The following TXLNB variants were observed in gnomAD, a reference collection of about 807,000 sequenced individuals.
The protein encoded by TXLNB is beta-taxilin.
TXLNB carries 37 observed loss-of-function variants against 57.4 expected under a neutral mutation model. That is an observed-to-expected ratio of 0.64 (90% confidence interval 0.50 to 0.85). The LOEUF (loss-of-function observed/expected upper bound fraction) is 0.85, where lower values mean the gene tolerates loss of function less well. Among genes scored for constraint, TXLNB ranks in the 40% least tolerant of loss-of-function variants. TXLNB has a pLI of 0.00. For synonymous variants in TXLNB, 302 were observed against 309.6 expected (o/e 0.98, Z 0.26); for missense variants, 848 against 825.6 (o/e 1.03, Z -0.33).
Position 139,276,848 on chromosome 6 carries a change from G to C in TXLNB, c.498C>G (p.Phe166Leu). 6.2e-7 allele frequency: 1 copy of C among 1,606,166 alleles called. No homozygotes were observed. Among genetic ancestry groups the C allele is most frequent in the Non-Finnish European group, 8.5e-7 (1 of 1,177,548 alleles). The part of the protein sequence containing the change: ...QTPEEKFDFL[F>L]KKYAELLDEH... Reference sequence around the variant, plus strand: ...ATCTTACCAATTCAGCATACTTCTTGAATAAAAAATCAAACTTTTCTTCCG... The same window carrying C: ...ATCTTACCAATTCAGCATACTTCTTCAATAAAAAATCAAACTTTTCTTCCG... The change falls in exon 3 of 10, where the codon TTC (phenylalanine) becomes TTG (leucine). Residue 166 changes from phenylalanine (F) to leucine (L), a missense_variant. Coordinates refer to ENST00000358430, the MANE Select transcript of TXLNB (RefSeq NM_153235.4).
At chr6:139,276,078 A>G (rs912744483) in intron 3 of TXLNB, among the ~76,000 whole-genome samples, 1 of 152,224 alleles carries the variant, frequency 6.6e-6, no homozygotes, top group Non-Finnish European at 1.5e-5. Context: ...CATAAAATAG[A>G]TTTCCTTGTT....
intron 5 of TXLNB, among the ~76,000 whole-genome samples, chr6:139,261,435 T>C (rs1289417178): frequency 6.6e-6 from 1 of 152,122 alleles, no homozygotes; most frequent in African/African-American, 2.4e-5. Context: ...GATAAAATCT[T>C]AGCATGTTAC....
chr6:139,283,519 T>C lies in TXLNB; in HGVS notation c.424+4957A>G, dbSNP rs1220985459. On this transcript the variant is annotated intron_variant, in intron 2 of 9. Coordinates refer to ENST00000358430, the MANE Select transcript of TXLNB (RefSeq NM_153235.4). Reference sequence around the variant, plus strand: ...TGAACCCGGAGGGCGGAGGTTGTGGTGAGCCGAGATCGCACCATTGCACTC... The same window carrying C: ...TGAACCCGGAGGGCGGAGGTTGTGGCGAGCCGAGATCGCACCATTGCACTC... Among the ~76,000 whole-genome samples, 4 of 136,888 alleles carry C rather than the reference T, an allele frequency of 2.9e-5. 1 individual carries two copies. The highest frequency in any genetic ancestry group is 6.3e-5 in the Non-Finnish European group (4 of 63,460). The allele number at this position is 136,888 out of a possible 152,430, so 89.8% of individuals were successfully genotyped here.
At chr6:139,171,656 G>A in the TXLNB span, among the ~76,000 whole-genome samples, 1 of 151,510 alleles carries the variant, frequency 6.6e-6, no homozygotes, top group Non-Finnish European at 1.5e-5. Context: ...GAGTATCTCA[G>A]TCTGTCACCC....
rs531949108 is a variant in TXLNB, at chr6:139,260,341, G to A, written c.979C>T (p.Arg327Ter). The change falls in exon 6 of 10, where the codon CGA becomes TGA. Residue 327 changes from arginine (R) to a stop codon, truncating the protein, a stop_gained. Transcript: ENST00000358430. LOFTEE classifies it high-confidence loss of function. ...AQEMMKEAEE[R>*]HKREKEYLLN... The stretch of plus-strand genomic sequence containing the variant: ...ACATATTCCTTTTCTCGTTTGTGTC[G>A]CTCCTCCGCTTCCTTCATCATTTCT... 31 of 1,614,022 alleles carry A rather than the reference G, an allele frequency of 1.9e-5. No homozygotes were observed. Among genetic ancestry groups the A allele is most frequent in the Admixed American group, 1.5e-4 (9 of 60,006 alleles).
intron 8 of TXLNB, among the ~76,000 whole-genome samples, chr6:139,247,532 CT>C (rs61368061): frequency 0.13 from 8,273 of 63,236 alleles, 524 homozygotes; most frequent in African/African-American, 0.3. Context: ...CTCTGGTCTT[CT>C]TTTTTTTTTT....
At chr6:139,164,032 C>T in the TXLNB span, among the ~76,000 whole-genome samples, 2 of 151,408 alleles carry the variant, frequency 1.3e-5, no homozygotes, top group South Asian at 4.2e-4. Context: ...ACATTGCTGT[C>T]CGTCAGCATG....
At chr6:139,169,055 T>G in the TXLNB span, among the ~76,000 whole-genome samples, 1 of 152,240 alleles carries the variant, frequency 6.6e-6, no homozygotes, top group Admixed American at 6.5e-5. Context: ...TTACACAGTT[T>G]CCTCTATTTG....
the TXLNB span, among the ~76,000 whole-genome samples, chr6:139,192,982 A>C: frequency 2.1e-3 from 312 of 151,092 alleles, 1 homozygote; most frequent in African/African-American, 5.9e-3. Context: ...AAACAAAAAA[A>C]AAAAACAACA....
At chr6:139,274,551 G>C (rs973328357) in intron 3 of TXLNB, among the ~76,000 whole-genome samples, 1 of 152,192 alleles carries the variant, frequency 6.6e-6, no homozygotes, top group African/African-American at 2.4e-5. Flanking sequence ...AGTAAGGCTT[G>C]AATTGAATAT....
chr6:139,286,676 T>TCA (rs780197894), intron 2 of TXLNB, among the ~76,000 whole-genome samples: 27 of 152,166 alleles, frequency 1.8e-4, no homozygotes, highest in Non-Finnish European at 3.5e-4. Context: ...CTGCTCCCCA[T>TCA]CACTCACATT....
chr6:139,314,043 G>C, the TXLNB span, among the ~76,000 whole-genome samples: 1 of 152,152 alleles, frequency 6.6e-6, no homozygotes, highest in Non-Finnish European at 1.5e-5. Flanking sequence ...CCTGACCCGA[G>C]TATAGCATCA....
At chr6:139,216,324 G>C in the TXLNB span, among the ~76,000 whole-genome samples, 1 of 151,416 alleles carries the variant, frequency 6.6e-6, no homozygotes, top group Admixed American at 6.6e-5. Flanking sequence ...GTCCTTTGTA[G>C]GGACATGGAT....
chr6:139,317,376 T>C, the TXLNB span, among the ~76,000 whole-genome samples: 2 of 151,884 alleles, frequency 1.3e-5, no homozygotes, highest in East Asian at 1.9e-4. Flanking sequence ...AGATGGCCTA[T>C]ATATTAGAGT....
the TXLNB span, among the ~76,000 whole-genome samples, chr6:139,302,549 A>G: frequency 6.6e-6 from 1 of 150,516 alleles, no homozygotes. Flanking sequence ...GGATTGCCTG[A>G]GGTCAGGAGT....
intron 2 of TXLNB, among the ~76,000 whole-genome samples, chr6:139,281,379 T>C (rs1200608831): frequency 6.6e-6 from 1 of 152,140 alleles, no homozygotes; most frequent in Non-Finnish European, 1.5e-5. Flanking sequence ...CGTTTGGTTT[T>C]AAGGCCTGTA....
At chr6:139,235,159 G>A (rs1323818783), downstream of TXLNB, among the ~76,000 whole-genome samples, 1 of 152,100 alleles carries the variant, frequency 6.6e-6, no homozygotes, top group Non-Finnish European at 1.5e-5. Flanking sequence ...AGGCGCTCCT[G>A]TTTTCACACC....
chr6:139,267,488 A>C (rs1776644894), intron 4 of TXLNB, among the ~76,000 whole-genome samples: 1 of 152,228 alleles, frequency 6.6e-6, no homozygotes, highest in Admixed American at 6.5e-5. Context: ...GATAATGTGT[A>C]GTGTTATAAT....
At chr6:139,305,600 A>G in the TXLNB span, among the ~76,000 whole-genome samples, 1 of 152,196 alleles carries the variant, frequency 6.6e-6, no homozygotes, top group Non-Finnish European at 1.5e-5. Flanking sequence ...AGTCAGAAAG[A>G]TATTCACATA....
Sources: gnomAD v4.1 joint callset for allele counts (sites outside exome capture counted in the v4.1 genomes callset) on GRCh38, gnomAD v4.1.1 for gene constraint, MANE v1.5 for transcripts, NCBI Gene and HGNC (gene_info 2026-07-23, HGNC 2026-07-21) for gene names.